Variants in NRG3 observed in about 807,000 individuals in gnomAD.
The protein encoded by NRG3 is pro-neuregulin-3, membrane-bound isoform.
NRG3 carries 31 observed loss-of-function variants against 66.9 expected under a neutral mutation model. The observed-to-expected ratio is 0.46, with a 90% CI of 0.35 to 0.63. The LOEUF (loss-of-function observed/expected upper bound fraction) is 0.63. Ranked by LOEUF, NRG3 falls within the 20% of genes least tolerant of loss-of-function variation. The pLI, the probability that NRG3 is intolerant of heterozygous loss-of-function variation, is 0.00. For missense variants in NRG3, 910 were observed against 878.9 expected (o/e 1.04, Z -0.45); for synonymous variants, 393 against 359.4 (o/e 1.09, Z -1.06).
chr10:82,786,025 A>T (rs1328963632), intron 3 of NRG3, among the ~76,000 whole-genome samples: 1 of 152,172 alleles, frequency 6.6e-6, no homozygotes, highest in African/African-American at 2.4e-5. Context: ...GTGAGCCAAG[A>T]CAGAGGCTTG....
chr10:82,839,166 G>C (rs1304245988), intron 3 of NRG3, among the ~76,000 whole-genome samples: 1 of 152,050 alleles, frequency 6.6e-6, no homozygotes, highest in Non-Finnish European at 1.5e-5. Context: ...AGTTGTAGTA[G>C]GATTTGTATT....
At chr10:82,454,459 A>T (rs529064948) in intron 2 of NRG3, among the ~76,000 whole-genome samples, 128 of 152,248 alleles carry the variant, frequency 8.4e-4, no homozygotes, top group Admixed American at 9.8e-4. Context: ...TAAAAAAAAT[A>T]AAAAAATGCC....
chr10:82,589,938 A>G (rs2046886684), intron 2 of NRG3, among the ~76,000 whole-genome samples: 1 of 152,198 alleles, frequency 6.6e-6, no homozygotes, highest in Non-Finnish European at 1.5e-5. Flanking sequence ...TAGGATGTAT[A>G]ATAGTTTGTA....
Position 81,875,280 on chromosome 10 carries a change from G to C in NRG3, c.-61G>C, listed in dbSNP as rs1163365870. On this transcript the variant is annotated 5_prime_UTR_variant, in exon 1 of 9. Coordinates refer to ENST00000372141, the MANE Select transcript of NRG3 (RefSeq NM_001010848.4). This position sits in a 1 kb window ranked among gnomAD's most constrained non-coding sequence, Gnocchi z 5.3. ...CCGCGCCCGCGCCCGCGCCCGGCCCGCGCGGCCCCATGCCTCTGCCGCGGC... is the reference window on the plus strand; with the variant it reads ...CCGCGCCCGCGCCCGCGCCCGGCCCCCGCGGCCCCATGCCTCTGCCGCGGC... 4.7e-5 allele frequency: 46 copies of C among 970,994 alleles called. No individual in the cohort carries two copies. The highest frequency in any genetic ancestry group is 5.2e-5 in the Non-Finnish European group (43 of 820,832). 60.1% of individuals were successfully genotyped at this position (970,994 alleles called of 1,614,324 possible).
intron 2 of NRG3, among the ~76,000 whole-genome samples, chr10:82,465,642 A>C (rs1386706334): frequency 6.6e-6 from 1 of 152,050 alleles, no homozygotes; most frequent in Non-Finnish European, 1.5e-5. Flanking sequence ...TCAGGATCAA[A>C]GGGGAGCTTG....
chr10:82,567,861 A>C (rs939980395), intron 2 of NRG3, among the ~76,000 whole-genome samples: 1 of 151,886 alleles, frequency 6.6e-6, no homozygotes, highest in South Asian at 2.1e-4. Context: ...GAACTCATAT[A>C]TATTCCACTT....
At chr10:82,701,148 CATTT>C (rs1214074102) in intron 2 of NRG3, among the ~76,000 whole-genome samples, 1 of 151,850 alleles carries the variant, frequency 6.6e-6, no homozygotes, top group East Asian at 1.9e-4. Flanking sequence ...TTATAATAAA[CATTT>C]ATTAACCACT....
At chr10:82,527,003 A>T (rs1319450532) in intron 2 of NRG3, among the ~76,000 whole-genome samples, 2 of 152,090 alleles carry the variant, frequency 1.3e-5, no homozygotes, top group Non-Finnish European at 2.9e-5. Flanking sequence ...TACTCCTTTG[A>T]ACCAGCAATC....
chr10:82,461,102 A>T (rs543228116), intron 2 of NRG3, among the ~76,000 whole-genome samples: 37 of 152,050 alleles, frequency 2.4e-4, no homozygotes, highest in African/African-American at 8.2e-4. Flanking sequence ...TGCCACCACC[A>T]TCAAAATCAT....
intron 3 of NRG3, among the ~76,000 whole-genome samples, chr10:82,800,080 C>A (rs2060973615): frequency 6.6e-6 from 1 of 152,060 alleles, no homozygotes; most frequent in Non-Finnish European, 1.5e-5. Flanking sequence ...TCTTTGCTTC[C>A]TCTTTGGATT....
At chr10:82,345,692 A>G (rs2082970910) in intron 1 of NRG3, among the ~76,000 whole-genome samples, 1 of 151,896 alleles carries the variant, frequency 6.6e-6, no homozygotes, top group Non-Finnish European at 1.5e-5. Flanking sequence ...CTTCCTACCC[A>G]TGAGCATGGA....
At chr10:82,277,229 T>C (rs1446311910) in intron 1 of NRG3, among the ~76,000 whole-genome samples, 7 of 152,038 alleles carry the variant, frequency 4.6e-5, no homozygotes. Context: ...ATAAAATAAA[T>C]GGAAAAATCT....
At chr10:82,766,430 T>C (rs2059514261) in intron 3 of NRG3, among the ~76,000 whole-genome samples, 1 of 152,178 alleles carries the variant, frequency 6.6e-6, no homozygotes, top group Non-Finnish European at 1.5e-5. Context: ...TTCACACTTT[T>C]GTCTATAAAG....
intron 3 of NRG3, among the ~76,000 whole-genome samples, chr10:82,813,126 G>A (rs182593927): frequency 2.0e-5 from 3 of 151,002 alleles, no homozygotes; most frequent in African/African-American, 7.3e-5. Flanking sequence ...GATCTGAAAT[G>A]TATGAGTGTT....
intron 1 of NRG3, among the ~76,000 whole-genome samples, chr10:82,171,341 A>G (rs1320454695): frequency 6.6e-6 from 1 of 150,744 alleles, no homozygotes; most frequent in Non-Finnish European, 1.5e-5. Flanking sequence ...ACTTCCCACC[A>G]ACATGTCCTC....
At chr10:82,381,704 CTT>C (rs1418995599) in intron 2 of NRG3, among the ~76,000 whole-genome samples, 2 of 152,076 alleles carry the variant, frequency 1.3e-5, no homozygotes, top group Non-Finnish European at 2.9e-5. Flanking sequence ...GGTTGGGAGA[CTT>C]TATCACACTA....
intron 4 of NRG3, among the ~76,000 whole-genome samples, chr10:82,894,745 T>A (rs1591856615): frequency 6.6e-6 from 1 of 152,164 alleles, no homozygotes; most frequent in East Asian, 1.9e-4. Context: ...ATTTTTTTTT[T>A]AACTTTAAGT....
chr10:82,660,719 G>GT (rs1292935490), intron 2 of NRG3, among the ~76,000 whole-genome samples: 2 of 151,966 alleles, frequency 1.3e-5, no homozygotes, highest in Non-Finnish European at 2.9e-5. Context: ...TTTTCTAACT[G>GT]TTTGAGTTTC....
At chr10:82,693,579 T>C (rs2249842) in intron 2 of NRG3, among the ~76,000 whole-genome samples, 139,568 of 152,222 alleles carry the variant, frequency 0.92, 64,039 homozygotes, top group East Asian at 1. Flanking sequence ...TAATAATAAT[T>C]CCTCTATTAT....
Sources: gnomAD v4.1 joint callset for allele counts (sites outside exome capture counted in the v4.1 genomes callset) on GRCh38, gnomAD v4.1.1 for gene constraint, Gnocchi (gnomAD v3.1) non-coding constraint, MANE v1.5 for transcripts, NCBI Gene and HGNC (gene_info 2026-07-23, HGNC 2026-07-21) for gene names.